The following NAV3 variants were observed in gnomAD, a reference collection of about 807,000 sequenced individuals.
The protein encoded by NAV3 is neuron navigator 3, also known as pore membrane and/or filament interacting like protein 1.
A neutral mutation model predicts 244.7 loss-of-function variants in NAV3; 87 were observed. The observed-to-expected ratio is 0.36, with a 90% confidence interval of 0.30 to 0.42. NAV3 has a LOEUF of 0.42. Ranked by LOEUF, NAV3 falls within the 20% of genes least tolerant of loss-of-function variation. NAV3 has a pLI of 1.00. For missense variants in NAV3, 2,663 were observed against 2,893.3 expected (o/e 0.92, Z 1.83); for synonymous variants, 1,126 against 1,042.2 (o/e 1.08, Z -1.55).
At chr12:78,027,639 T>C (rs1878289495) in intron 9 of NAV3, among the ~76,000 whole-genome samples, 2 of 152,142 alleles carry the variant, frequency 1.3e-5, no homozygotes, top group East Asian at 3.9e-4. Context: ...CACAACACAG[T>C]TTATTCAGCA....
chr12:77,822,772 G>T (rs1454690488), intron 2 of NAV3, among the ~76,000 whole-genome samples: 1 of 152,016 alleles, frequency 6.6e-6, no homozygotes, highest in Non-Finnish European at 1.5e-5. Flanking sequence ...TTGTTAGTAC[G>T]AGTCATTTAT....
At chr12:77,615,599 T>A (rs1461466697) in intron 2 of NAV3, among the ~76,000 whole-genome samples, 1 of 152,224 alleles carries the variant, frequency 6.6e-6, no homozygotes, top group Non-Finnish European at 1.5e-5. Flanking sequence ...ATGTACCACA[T>A]TCTCCTGATA....
At chr12:78,164,371 C>T (rs1297048951) in intron 23 of NAV3, among the ~76,000 whole-genome samples, 2 of 151,912 alleles carry the variant, frequency 1.3e-5, no homozygotes, top group African/African-American at 4.8e-5. Flanking sequence ...CTCTCTGAAA[C>T]ATTTTTTTGG....
intron 6 of NAV3, among the ~76,000 whole-genome samples, chr12:77,995,623 A>G (rs1342055228): frequency 6.6e-6 from 1 of 152,120 alleles, no homozygotes; most frequent in Non-Finnish European, 1.5e-5. Context: ...CCATTGATGA[A>G]TCATATTATG....
At chr12:78,163,584 CA>C (rs1565745320) in intron 23 of NAV3, among the ~76,000 whole-genome samples, 1 of 151,666 alleles carries the variant, frequency 6.6e-6, no homozygotes, top group Non-Finnish European at 1.5e-5. Flanking sequence ...ATAAAAATTA[CA>C]AAAATAAAAA....
chr12:77,681,934 G>A (rs181181538), intron 2 of NAV3, among the ~76,000 whole-genome samples: 158 of 152,270 alleles, frequency 1.0e-3, no homozygotes, highest in African/African-American at 3.7e-3. Context: ...TTGTGCAATG[G>A]CATCGTCAAG....
Position 78,180,991 on chromosome 12 carries a change from C to A in NAV3, c.5638C>A (p.Gln1880Lys). The A allele has an allele frequency of 6.2e-7, 1 of 1,613,280 alleles. No homozygotes were observed. Among genetic ancestry groups the A allele is most frequent in the Non-Finnish European group, 8.5e-7 (1 of 1,179,470 alleles). ...SSSTSSSSSRQSLGLSLNNLN... is the reference protein window; with the variant it reads ...SSSTSSSSSRKSLGLSLNNLN... ...CAGCACCTCCTCTTCATCTTCCAGG[C>A]AGTCATTAGGACTTTCTCTAAACAA... The change falls in exon 30 of 40, where the codon CAG (glutamine) becomes AAG (lysine). Residue 1880 changes from glutamine (Q) to lysine (K), a missense_variant. Physicochemically the swap from Gln to Lys is moderately conservative, Grantham distance 53. Coordinates refer to ENST00000397909, the MANE Select transcript of NAV3 (RefSeq NM_001024383.2).
chr12:77,748,008 G>A (rs143818331), intron 2 of NAV3, among the ~76,000 whole-genome samples: 4,965 of 152,028 alleles, frequency 0.033, 284 homozygotes, highest in African/African-American at 0.11. Flanking sequence ...CGTTGTGCAC[G>A]TGTACCCTAA....
At chr12:77,717,199 A>T (rs1876400437) in intron 2 of NAV3, among the ~76,000 whole-genome samples, 2 of 152,188 alleles carry the variant, frequency 1.3e-5, no homozygotes, top group East Asian at 3.9e-4. Context: ...AACTATATGC[A>T]TATTATTGTA....
At chr12:77,856,502 A>G (rs144136850) in intron 1 of NAV3, among the ~76,000 whole-genome samples, 104 of 152,246 alleles carry the variant, frequency 6.8e-4, no homozygotes, top group African/African-American at 2.4e-3. Flanking sequence ...GAATAAGACT[A>G]TATTTGGTTT....
intron 1 of NAV3, among the ~76,000 whole-genome samples, chr12:77,896,220 G>A (rs1222771328): frequency 6.6e-6 from 1 of 152,118 alleles, no homozygotes; most frequent in East Asian, 1.9e-4. Context: ...GAAGTTCACT[G>A]TAAGTCGATA....
intron 2 of NAV3, among the ~76,000 whole-genome samples, chr12:77,802,942 C>T (rs1871788918): frequency 6.6e-6 from 1 of 152,196 alleles, no homozygotes; most frequent in African/African-American, 2.4e-5. Context: ...GCTGGGATTA[C>T]AGGTGTGAGC....
chr12:77,824,920 AC>A (rs1326186015), intron 2 of NAV3, among the ~76,000 whole-genome samples: 1 of 145,788 alleles, frequency 6.9e-6, no homozygotes, highest in African/African-American at 2.5e-5. Context: ...AACAACAACA[AC>A]AACAAAGAAA....
intron 2 of NAV3, among the ~76,000 whole-genome samples, chr12:77,713,633 A>G (rs1004936356): frequency 1.3e-5 from 2 of 152,164 alleles, no homozygotes; most frequent in Non-Finnish European, 2.9e-5. Flanking sequence ...TCCTTTTATG[A>G]TCTTCCTTAA....
At position 78,176,467 on chromosome 12, in the gene NAV3, T is replaced by C. The variant is rs745618806; in HGVS notation, c.5124+8T>C. ...AACTCTAGAGGAAGTGAGGTGAATATAAACCGTGGACAATTTGGCATGCAT... is the reference window on the plus strand; with the variant it reads ...AACTCTAGAGGAAGTGAGGTGAATACAAACCGTGGACAATTTGGCATGCAT... On this transcript the variant is annotated splice_region_variant and intron_variant, in intron 26 of 39. Coordinates refer to ENST00000397909, the MANE Select transcript of NAV3 (RefSeq NM_001024383.2). 1 of 1,612,476 alleles carries C rather than the reference T, an allele frequency of 6.2e-7. No homozygotes were observed. Among genetic ancestry groups the C allele is most frequent in the Non-Finnish European group, 8.5e-7 (1 of 1,179,180 alleles).
chr12:78,122,463 C>T (rs1955716250), intron 16 of NAV3, 35 bp downstream of exon 16: 1 of 1,541,334 alleles, frequency 6.5e-7, no homozygotes. Context: ...AACATCTTCC[C>T]CCTCTTCCCT....
intron 2 of NAV3, among the ~76,000 whole-genome samples, chr12:77,816,090 A>G (rs976569665): frequency 1.3e-5 from 2 of 152,170 alleles, no homozygotes; most frequent in African/African-American, 4.8e-5. Flanking sequence ...TTAAGGGTGA[A>G]TTGGTGGAAA....
intron 7 of NAV3, among the ~76,000 whole-genome samples, chr12:78,004,947 G>A (rs1055038412): frequency 2.0e-5 from 3 of 152,184 alleles, no homozygotes; most frequent in Non-Finnish European, 4.4e-5. Flanking sequence ...GTGCAGTGAT[G>A]TTGAAATTCC....
intron 1 of NAV3, among the ~76,000 whole-genome samples, chr12:77,937,787 C>T (rs897193171): frequency 2.0e-5 from 3 of 152,140 alleles, no homozygotes; most frequent in Non-Finnish European, 4.4e-5. Context: ...GAAATTATAA[C>T]TTTAACAAGT....
Sources: allele counts gnomAD v4.1 joint callset (sites outside exome capture counted in the v4.1 genomes callset), GRCh38; gene constraint gnomAD v4.1.1; transcripts MANE v1.5; gene names NCBI Gene and HGNC (gene_info 2026-07-23, HGNC 2026-07-21).